DNAAF1: variants seen among roughly 807,000 people sequenced by gnomAD.
DNAAF1 encodes dynein axonemal assembly factor 1.
In DNAAF1, 65 loss-of-function variants were observed where a neutral mutation model predicts 71.1. That is an observed-to-expected ratio of 0.91 (90% CI 0.75 to 1.12). The LOEUF (loss-of-function observed/expected upper bound fraction) is 1.12, where lower values mean the gene tolerates loss of function less well. Among genes scored for constraint, DNAAF1 ranks in the 50% most tolerant of loss-of-function variants. The pLI is 0.00. For synonymous variants in DNAAF1, 414 were observed against 354.6 expected (o/e 1.17, Z -1.88); for missense variants, 1,178 against 899.8 (o/e 1.31, Z -3.96).
chr16:84,172,498 C>CGCTGGTTAGAA (rs2088417036), intron 9 of DNAAF1, 123 bp downstream of exon 9: 1 of 1,516,244 alleles, frequency 6.6e-7, no homozygotes, highest in East Asian at 2.5e-5. Context: ...GCAGGCCTGG[C>CGCTGGTTAGAA]ATTTCTGGGG....
chr16:84,174,765 C>T, intron 10 of DNAAF1, 43 bp downstream of exon 10: 1 of 1,613,042 alleles, frequency 6.2e-7, no homozygotes, highest in African/African-American at 1.3e-5. Flanking sequence ...CAGCTTAATT[C>T]CACCTTCGTT....
Position 84,154,735 on chromosome 16 carries a change from C to T in DNAAF1, c.511C>T (p.Pro171Ser). The change falls in exon 4 of 12, where the codon CCT becomes TCT. Residue 171 changes from proline (P) to serine (S), a missense_variant. Transcript: ENST00000378553. Reference protein sequence around the residue: ...NLLRKIENLEPLQKLDALNLS... With the variant: ...NLLRKIENLESLQKLDALNLS... The stretch of plus-strand genomic sequence containing the variant: ...GCTCCGTAAAATTGAGAACCTGGAA[C>T]CTCTGCAGAAACTGGATGCTCTTAA... The T allele has an allele frequency of 1.2e-6, 2 of 1,614,104 alleles. No individual in the cohort carries two copies. The highest frequency in any genetic ancestry group is 1.7e-6 in the Non-Finnish European group (2 of 1,180,022).
Position 84,157,813 on chromosome 16 carries a change from G to A in DNAAF1, c.742-1862G>A, listed in dbSNP as rs183842253. Among the ~76,000 whole-genome samples, 340 of 152,258 alleles carry A rather than the reference G, an allele frequency of 2.2e-3. 1 individual carries two copies. The highest frequency in any genetic ancestry group is 4.1e-3 in the Non-Finnish European group (277 of 68,016). ...AGACTAGTTTAGAACTGCAGCACAC[G>A]GTGAGAATAGAAAGCTCTATTATAT... On this transcript the variant is annotated intron_variant, in intron 5 of 11. Coordinates refer to ENST00000378553, the MANE Select transcript of DNAAF1 (RefSeq NM_178452.6).
rs528831392 is a variant in DNAAF1, at chr16:84,150,620, T to C, written c.352+278T>C. ...GAATTTTTTTTTCTTTTCTTTCTTT[T>C]TTTTTTTTTTTTTGAGATGGTGTCT... On this transcript the variant is annotated intron_variant, in intron 3 of 11. Transcript: ENST00000378553. 3.0e-4 allele frequency among the ~76,000 whole-genome samples: 45 copies of C among 148,824 alleles called. No individual in the cohort carries two copies. The East Asian group carries it at 5.1e-3, about 17-fold the overall frequency.
intron 4 of DNAAF1, 23 bp from the exon 5 acceptor site, chr16:84,155,560 C>T: frequency 1.2e-6 from 2 of 1,613,784 alleles, no homozygotes; most frequent in Non-Finnish European, 1.7e-6. Context: ...TTGTTTTTGA[C>T]TTCTGCTGAC....
At chr16:84,155,197 C>T (rs184750568) in intron 4 of DNAAF1, among the ~76,000 whole-genome samples, 58 of 151,938 alleles carry the variant, frequency 3.8e-4, no homozygotes, top group Admixed American at 1.8e-3. Flanking sequence ...CGTGAGCCAC[C>T]ATGCCCAGCC....
Position 84,177,822 on chromosome 16 carries a change from C to T in DNAAF1, c.2159C>T (p.Pro720Leu). ...CCCACGTGGGACCTCACTGCATTCC[C>T]AGCACCGAAAGCATCATAGTTTTCC... ...ALPTWDLTAF[P>L]APKAS is the part of the protein sequence containing the mutation. The change falls in exon 12 of 12, where the codon CCA becomes CTA. Residue 720 changes from proline to leucine, a missense_variant. By Grantham distance (98) the Pro-to-Leu change is moderately conservative (BLOSUM62 -3). Transcript: ENST00000378553. The T allele has an allele frequency of 5.6e-6, 9 of 1,613,884 alleles. No individual in the cohort carries two copies. The highest frequency in any genetic ancestry group is 7.6e-6 in the Non-Finnish European group (9 of 1,179,804).
At chr16:84,175,688 G>A (rs986155888) in intron 10 of DNAAF1, 1 of 546,170 alleles carries the variant, frequency 1.8e-6, no homozygotes, top group African/African-American at 1.9e-5. Context: ...GTACCAGGAG[G>A]GTGAGGAATA....
intron 5 of DNAAF1, among the ~76,000 whole-genome samples, chr16:84,158,645 T>G (rs564574829): frequency 1.2e-4 from 19 of 152,326 alleles, no homozygotes; most frequent in Non-Finnish European, 2.6e-4. Context: ...TATTGCTGCC[T>G]GGGTGTATTG....
At chr16:84,158,597 T>C (rs1192962696) in intron 5 of DNAAF1, among the ~76,000 whole-genome samples, 1 of 152,256 alleles carries the variant, frequency 6.6e-6, no homozygotes, top group Non-Finnish European at 1.5e-5. Context: ...AGTTGTTTCG[T>C]GACTGCTTTT....
rs1392242655 is a variant in DNAAF1 at position 84,177,732 on chromosome 16, C to G, written c.2069C>G (p.Pro690Arg). ...SDFLAASSPV[P>R]TESAATPPET... Reference sequence around the variant, plus strand: ...CAGGTCACCCTTCCTTCCACAGTGCCGACTGAGAGCGCCGCCACACCCCCA... The same window carrying G: ...CAGGTCACCCTTCCTTCCACAGTGCGGACTGAGAGCGCCGCCACACCCCCA... The change falls in exon 12 of 12, where the codon CCG (proline) becomes CGG (arginine). Residue 690 changes from proline (P) to arginine (R), a missense_variant. By Grantham distance (103) the Pro-to-Arg change is moderately radical. Coordinates refer to ENST00000378553, the MANE Select transcript of DNAAF1 (RefSeq NM_178452.6). 1 of 1,613,602 alleles carries G rather than the reference C, an allele frequency of 6.2e-7. No homozygotes were observed. Among genetic ancestry groups the G allele is most frequent in the Non-Finnish European group, 8.5e-7 (1 of 1,179,786 alleles).
chr16:84,176,391 A>G lies in DNAAF1; in HGVS notation c.2065+92A>G, dbSNP rs939392170. ...AGGGCAGTCACTCAGCCTTACCCTG[A>G]GCTTTCATGTTGCTGGAGGGGTCAC... On this transcript the variant is annotated intron_variant, in intron 11 of 11. Transcript: ENST00000378553. The G allele has an allele frequency of 5.7e-6, 9 of 1,584,388 alleles. No homozygotes were observed. The African/African-American group carries it at 1.2e-4, about 21-fold the overall frequency.
Position 84,154,562 on chromosome 16 carries a change from C to T in DNAAF1, c.353-15C>T. ...GGAGTAGGAGCTTAATTCCCACGTGCTTCCTTTTTGTTAGGTTTTGATCGC... is the reference window on the plus strand; with the variant it reads ...GGAGTAGGAGCTTAATTCCCACGTGTTTCCTTTTTGTTAGGTTTTGATCGC... On this transcript the variant is annotated splice_polypyrimidine_tract_variant and intron_variant, in intron 3 of 11. Transcript: ENST00000378553. 6.2e-7 allele frequency: 1 copy of T among 1,612,862 alleles called. No homozygotes were observed. The highest frequency in any genetic ancestry group is 8.5e-7 in the Non-Finnish European group (1 of 1,179,278).
chr16:84,154,323 G>A (rs2087314038), intron 3 of DNAAF1, among the ~76,000 whole-genome samples: 1 of 152,150 alleles, frequency 6.6e-6, no homozygotes, highest in African/African-American at 2.4e-5. Flanking sequence ...ATGGGGTGAA[G>A]ATGGCAAAGA....
Position 84,170,751 on chromosome 16 carries a change from G to A in DNAAF1, c.1528+395G>A, listed in dbSNP as rs143198055. On this transcript the variant is annotated intron_variant, in intron 8 of 11. Coordinates refer to ENST00000378553, the MANE Select transcript of DNAAF1 (RefSeq NM_178452.6). ...GGAGGCTGAGGCAAGAGGATTGCTT[G>A]AGCCCCAGAGGTTGAGGCTGCAGTG... Among the ~76,000 whole-genome samples the A allele has an allele frequency of 2.3e-4, 35 of 152,250 alleles. No individual in the cohort carries two copies. In the East Asian group the frequency reaches 6.8e-3, roughly 29 times the overall value.
chr16:84,172,377 T>C lies in DNAAF1; in HGVS notation c.1644+2T>C, dbSNP rs1479177761. On this transcript the variant is annotated splice_donor_variant, in intron 9 of 11. Transcript: ENST00000378553. LOFTEE classifies it high-confidence loss of function. ...ACAAAGGAGACATTCTGCATTGATGTACATGAAGTATTTAATCTTGGAGAT... is the reference window on the plus strand; with the variant it reads ...ACAAAGGAGACATTCTGCATTGATGCACATGAAGTATTTAATCTTGGAGAT... 1 of 1,613,814 alleles carries C rather than the reference T, an allele frequency of 6.2e-7. No homozygotes were observed. The highest frequency in any genetic ancestry group is 1.1e-5 in the South Asian group (1 of 91,014).
chr16:84,169,890 T>C lies in DNAAF1; in HGVS notation c.1062T>C (p.Asn354=), dbSNP rs2151264907. The part of the protein sequence containing the change: ...GEMTSSDDGE[N]VPASAEGKEE... ...TGACATCTTCAGATGATGGTGAGAA[T>C]GTGCCCGCCAGTGCGGAAGGCAAGG... The change falls in exon 8 of 12, where the codon AAT becomes AAC. Residue 354 remains asparagine, a synonymous_variant. Coordinates refer to ENST00000378553, the MANE Select transcript of DNAAF1 (RefSeq NM_178452.6). The C allele has an allele frequency of 6.2e-7, 1 of 1,614,078 alleles. No homozygotes were observed. Among genetic ancestry groups the C allele is most frequent in the Non-Finnish European group, 8.5e-7 (1 of 1,180,046 alleles).
intron 4 of DNAAF1, among the ~76,000 whole-genome samples, 166 bp downstream of exon 4, chr16:84,154,964 A>T (rs534607846): frequency 6.6e-6 from 1 of 151,100 alleles, no homozygotes; most frequent in Non-Finnish European, 1.5e-5. Context: ...GCTGGAGTGC[A>T]GTGGCGCGAT....
At position 84,149,145 on chromosome 16, in the gene DNAAF1, A is replaced by G. The variant is rs375447481; in HGVS notation, c.260+3A>G. On this transcript the variant is annotated splice_donor_region_variant and intron_variant, in intron 2 of 11. Transcript: ENST00000378553. ...GACAGGGAAGATCGGGGCCCCAGGT[A>G]TGTGGGCATACTCCTAATTAGTGCA... 60 of 1,613,940 alleles carry G rather than the reference A, an allele frequency of 3.7e-5. No homozygotes were observed. Among genetic ancestry groups the G allele is most frequent in the African/African-American group, 1.3e-4 (10 of 74,900 alleles).
Sources: gnomAD v4.1 joint callset for allele counts (sites outside exome capture counted in the v4.1 genomes callset) on GRCh38, gnomAD v4.1.1 for gene constraint, MANE v1.5 for transcripts, NCBI Gene and HGNC (gene_info 2026-07-23, HGNC 2026-07-21) for gene names.